NR2F2: variants seen among roughly 807,000 people sequenced by gnomAD.
The protein encoded by NR2F2 is nuclear receptor subfamily 2 group F member 2.
NR2F2 carries 2 observed loss-of-function variants against 34.8 expected under a neutral mutation model. The ratio of observed to expected loss-of-function variants is 0.06; its 90% confidence interval spans 0.02 to 0.18. NR2F2 has a LOEUF of 0.18. NR2F2 is among the 10% of genes least tolerant of loss of function. NR2F2 has a pLI of 1.00. For missense variants in NR2F2, 300 were observed against 580.1 expected (o/e 0.52, Z 4.96); for synonymous variants, 274 against 251.8 (o/e 1.09, Z -0.84).
chr15:96,332,209 G>T lies in NR2F2; in HGVS notation c.104G>T (p.Gly35Val). Residue 35 changes from glycine to valine, a missense_variant, in exon 1 of 3, where the codon GGC becomes GTC. By Grantham distance (109) the Gly-to-Val change is moderately radical. Transcript: ENST00000394166. ...QAPPVPGPPP[G>V]APHTPQTPGQ... ...CCGCCCGTGCCCGGCCCGCCGCCCG[G>T]CGCCCCGCACACGCCACAGACGCCC... 7.3e-7 allele frequency: 1 copy of T among 1,363,894 alleles called. No homozygotes were observed. The highest frequency in any genetic ancestry group is 1.8e-5 in the South Asian group (1 of 54,382). 84.5% of individuals were successfully genotyped at this position (1,363,894 alleles called of 1,614,324 possible).
rs1382425992 is a variant in NR2F2 at position 96,334,350 on chromosome 15, G to A, written c.717G>A (p.Thr239=). The A allele has an allele frequency of 1.9e-6, 3 of 1,614,160 alleles. No individual in the cohort carries two copies. Among genetic ancestry groups the A allele is most frequent in the Non-Finnish European group, 2.5e-6 (3 of 1,180,028 alleles). ...CCTTCTTCCCCGACCTGCAGATCAC[G>A]GACCAGGTGGCCCTGCTTCGCCTCA... is the stretch of plus-strand genomic sequence containing the variant. The part of the protein sequence containing the change: ...NIPFFPDLQI[T]DQVALLRLTW... The change falls in exon 2 of 3, where the codon ACG becomes ACA. Residue 239 remains threonine (T), a synonymous_variant. Coordinates refer to ENST00000394166, the MANE Select transcript of NR2F2 (RefSeq NM_021005.4).
Position 96,334,544 on chromosome 15 carries a change from C to A in NR2F2, c.911C>A (p.Ala304Glu). ...IFQEQVEKLK[A>E]LHVDSAEYSC... The stretch of plus-strand genomic sequence containing the variant: ...CAAGAGCAAGTGGAGAAGCTCAAGG[C>A]GCTGCACGTTGACTCAGCCGAGTAC... Residue 304 changes from alanine to glutamate, a missense_variant, in exon 2 of 3, where the codon GCG (alanine) becomes GAG (glutamate). Ala to Glu is a moderately radical substitution (Grantham distance 107). This residue lies in a region of NR2F2 where 164 missense variants were observed against 365.3 expected (regional missense o/e 0.45). Coordinates refer to ENST00000394166, the MANE Select transcript of NR2F2 (RefSeq NM_021005.4). The A allele has an allele frequency of 6.2e-7, 1 of 1,613,268 alleles. No individual in the cohort carries two copies. The highest frequency in any genetic ancestry group is 8.5e-7 in the Non-Finnish European group (1 of 1,179,860).
chr15:96,331,433 C>A lies in NR2F2; in HGVS notation c.-673C>A. 8.1e-7 allele frequency: 1 copy of A among 1,231,340 alleles called. No homozygotes were observed. The highest frequency in any genetic ancestry group is 1.0e-6 in the Non-Finnish European group (1 of 988,074). The allele number at this position is 1,231,340 out of a possible 1,614,324, so 76.3% of individuals were successfully genotyped here. ...CGGCCTGCCTGGCTCCCTGGGCGCG[C>A]CCGCACCCGGCGCCTCCGATCTCCT... is the stretch of plus-strand genomic sequence containing the variant. On this transcript the variant is annotated 5_prime_UTR_variant, in exon 1 of 3. Coordinates refer to ENST00000394166, the MANE Select transcript of NR2F2 (RefSeq NM_021005.4).
intron 1 of NR2F2, chr15:96,333,795 G>T: frequency 7.2e-7 from 1 of 1,386,086 alleles, no homozygotes; most frequent in South Asian, 1.9e-5. Context: ...CAGCGCCGGG[G>T]ACCCCGAGGC....
chr15:96,335,515 C>G (rs1201040946), intron 2 of NR2F2, among the ~76,000 whole-genome samples: 1 of 152,106 alleles, frequency 6.6e-6, no homozygotes, highest in Non-Finnish European at 1.5e-5. Context: ...TCAGCATAGC[C>G]CAGGTGGATG....
In NR2F2 at chr15:96,338,031, C is replaced by G. The variant is rs1899387752; in HGVS notation, c.*409C>G. On this transcript the variant is annotated 3_prime_UTR_variant, in exon 3 of 3. Transcript: ENST00000394166. ...TTAATTGTCCTGTGTCTATGTACCTCTAGCTGTTCTTTTTTGTACTTTTCT... is the reference window on the plus strand; with the variant it reads ...TTAATTGTCCTGTGTCTATGTACCTGTAGCTGTTCTTTTTTGTACTTTTCT... 1 of 143,964 alleles carries G rather than the reference C, an allele frequency of 6.9e-6. No individual in the cohort carries two copies. Among genetic ancestry groups the G allele is most frequent in the African/African-American group, 2.4e-5 (1 of 41,056 alleles). 8.9% of individuals were successfully genotyped at this position (143,964 alleles called of 1,614,324 possible).
Position 96,332,221 on chromosome 15 carries a change from C to G in NR2F2, c.116C>G (p.Thr39Arg). Residue 39 changes from threonine (T) to arginine (R), a missense_variant, in exon 1 of 3, where the codon ACG becomes AGG. Coordinates refer to ENST00000394166, the MANE Select transcript of NR2F2 (RefSeq NM_021005.4). Reference sequence around the variant, plus strand: ...GGCCCGCCGCCCGGCGCCCCGCACACGCCACAGACGCCCGGCCAAGGGGGC... The same window carrying G: ...GGCCCGCCGCCCGGCGCCCCGCACAGGCCACAGACGCCCGGCCAAGGGGGC... ...VPGPPPGAPH[T>R]PQTPGQGGPA... 2 of 1,519,076 alleles carry G rather than the reference C, an allele frequency of 1.3e-6. No homozygotes were observed. Among genetic ancestry groups the G allele is most frequent in the Non-Finnish European group, 1.8e-6 (2 of 1,133,986 alleles). The allele number at this position is 1,519,076 out of a possible 1,614,324, so 94.1% of individuals were successfully genotyped here. A position where few individuals can be genotyped will look rare whatever the true frequency, so the allele number is the denominator to read the frequency against.
chr15:96,333,731 C>T lies in NR2F2; in HGVS notation c.443-345C>T, dbSNP rs747943107. 9.8e-4 allele frequency: 1,247 copies of T among 1,266,938 alleles called. 2 individuals carry two copies. Among genetic ancestry groups the T allele is most frequent in the Non-Finnish European group, 1.2e-3 (1,165 of 1,005,222 alleles). 78.5% of individuals were successfully genotyped at this position (1,266,938 alleles called of 1,614,324 possible). On this transcript the variant is annotated intron_variant, in intron 1 of 2. Transcript: ENST00000394166. The stretch of plus-strand genomic sequence containing the variant: ...CTCTCCTCCAATCAATAAGAAATAT[C>T]AGCTGTTTAGCAGTAAAGAAGAAAG...
rs753499302 is a variant in NR2F2 at position 96,339,463 on chromosome 15, C to CT, written c.*1844dup. 1 of 152,214 alleles carries CT rather than the reference C, an allele frequency of 6.6e-6. No homozygotes were observed. Among genetic ancestry groups the CT allele is most frequent in the African/African-American group, 2.4e-5 (1 of 41,452 alleles). The allele number at this position is 152,214 out of a possible 1,614,324, so 9.4% of individuals were successfully genotyped here. A position where few individuals can be genotyped will look rare whatever the true frequency, so the allele number is the denominator to read the frequency against. Reference sequence around the variant, plus strand: ...GTTGGTTTCCCTCTCCCCTCCCCCCCTTTACCTTCAGTCTGTGAGAGCATG... The same window carrying CT: ...GTTGGTTTCCCTCTCCCCTCCCCCCCTTTTACCTTCAGTCTGTGAGAGCATG... On this transcript the variant is annotated 3_prime_UTR_variant, in exon 3 of 3. Transcript: ENST00000394166.
At chr15:96,329,926 A>G (rs117539394), upstream of NR2F2, among the ~76,000 whole-genome samples, 53 of 152,326 alleles carry the variant, frequency 3.5e-4, no homozygotes, top group East Asian at 4.2e-3. Flanking sequence ...GTGAAATGTT[A>G]ACCCTACAAG....
intron 1 of NR2F2, chr15:96,333,308 T>G: frequency 1.0e-6 from 1 of 995,436 alleles, no homozygotes; most frequent in Non-Finnish European, 1.2e-6. Flanking sequence ...AACGCCGGGG[T>G]TTCTTTGTGT....
rs372185889 is a variant in NR2F2, at chr15:96,339,040, T to A, written c.*1418T>A. ...TGGTTTAGGAAGTGCCATACTGATATAGTAAACCACCCCCATTCACCTAAT... is the reference window on the plus strand; with the variant it reads ...TGGTTTAGGAAGTGCCATACTGATAAAGTAAACCACCCCCATTCACCTAAT... On this transcript the variant is annotated 3_prime_UTR_variant, in exon 3 of 3. Transcript: ENST00000394166. 1 of 151,560 alleles carries A rather than the reference T, an allele frequency of 6.6e-6. No individual in the cohort carries two copies. The allele number at this position is 151,560 out of a possible 1,614,324, so 9.4% of individuals were successfully genotyped here. A position where few individuals can be genotyped will look rare whatever the true frequency, so the allele number is the denominator to read the frequency against.
At position 96,331,798 on chromosome 15, in the gene NR2F2, CT is replaced by C; in HGVS notation, c.-306del. On this transcript the variant is annotated 5_prime_UTR_variant, in exon 1 of 3. Coordinates refer to ENST00000394166, the MANE Select transcript of NR2F2 (RefSeq NM_021005.4). ...CTGCTCCCACTCGCTCTCCTGTCCC[CT>C]TCCCCTCCCCTCCCGGCGGAAAGCC... 8.3e-7 allele frequency: 1 copy of C among 1,204,452 alleles called. No homozygotes were observed. The highest frequency in any genetic ancestry group is 1.0e-6 in the Non-Finnish European group (1 of 970,268). The allele number at this position is 1,204,452 out of a possible 1,614,324, so 74.6% of individuals were successfully genotyped here. A position where few individuals can be genotyped will look rare whatever the true frequency, so the allele number is the denominator to read the frequency against.
At chr15:96,333,201 T>G in intron 1 of NR2F2, 4 of 288,386 alleles carry the variant, frequency 1.4e-5, no homozygotes, top group Non-Finnish European at 2.3e-5. Flanking sequence ...TCTGCGCGAG[T>G]TGGGTCTTTG....
At chr15:96,336,154 GA>G (rs145589076) in intron 2 of NR2F2, among the ~76,000 whole-genome samples, 104 of 150,618 alleles carry the variant, frequency 6.9e-4, no homozygotes, top group Non-Finnish European at 1.1e-3. Context: ...GTCTTTCAAG[GA>G]AAAAAAAATG....
At position 96,332,426 on chromosome 15, in the gene NR2F2, G is replaced by A. The variant is rs775993510; in HGVS notation, c.321G>A (p.Val107=). 1.2e-6 allele frequency: 2 copies of A among 1,614,248 alleles called. No individual in the cohort carries two copies. The highest frequency in any genetic ancestry group is 1.7e-6 in the Non-Finnish European group (2 of 1,180,042). Residue 107 remains valine (V), a synonymous_variant, in exon 1 of 3, where the codon GTG becomes GTA. Coordinates refer to ENST00000394166, the MANE Select transcript of NR2F2 (RefSeq NM_021005.4). ...GCAAGAGCTTCTTCAAGCGCAGCGTGCGGAGGAACCTGAGCTACACGTGCC... is the reference window on the plus strand; with the variant it reads ...GCAAGAGCTTCTTCAAGCGCAGCGTACGGAGGAACCTGAGCTACACGTGCC... ...EGCKSFFKRS[V]RRNLSYTCRA... is the part of the protein sequence containing the mutation.
chr15:96,334,015 C>A (rs1899241461), intron 1 of NR2F2, 61 bp from the exon 2 acceptor site: 5 of 1,563,900 alleles, frequency 3.2e-6, no homozygotes, highest in Non-Finnish European at 4.3e-6. Flanking sequence ...CAGACCCCGC[C>A]GGGGAACCTG....
Position 96,331,045 on chromosome 15 carries a change from C to T in NR2F2, c.-1061C>T, listed in dbSNP as rs2141165126. The T allele has an allele frequency of 1.6e-6, 2 of 1,238,766 alleles. No individual in the cohort carries two copies. Among genetic ancestry groups the T allele is most frequent in the Non-Finnish European group, 1.0e-6 (1 of 994,830 alleles). 76.7% of individuals were successfully genotyped at this position (1,238,766 alleles called of 1,614,324 possible). On this transcript the variant is annotated 5_prime_UTR_variant, in exon 1 of 3. Transcript: ENST00000394166. ...TGACTCTTTCCCTATGTGTGTGAGGCGGCGGCGGCAGCAGCAGCAGCAGCG... is the reference window on the plus strand; with the variant it reads ...TGACTCTTTCCCTATGTGTGTGAGGTGGCGGCGGCAGCAGCAGCAGCAGCG...
In NR2F2 at chr15:96,339,868, G is replaced by GGA. The variant is rs1463771161; in HGVS notation, c.*2246_*2247insGA. 166 of 150,868 alleles carry GGA rather than the reference G, an allele frequency of 1.1e-3. No individual in the cohort carries two copies. The highest frequency in any genetic ancestry group is 4.0e-3 in the African/African-American group (162 of 40,438). 9.3% of individuals were successfully genotyped at this position (150,868 alleles called of 1,614,324 possible). On this transcript the variant is annotated 3_prime_UTR_variant, in exon 3 of 3. Coordinates refer to ENST00000394166, the MANE Select transcript of NR2F2 (RefSeq NM_021005.4). ...TTAATTCTAATTGGTGGGGGGGGGG[G>GGA]AGGACTAGTGAGGGAGGTGAAAGAA...
Sources: gnomAD v4.1 joint callset for allele counts (sites outside exome capture counted in the v4.1 genomes callset) on GRCh38, gnomAD v4.1.1 for gene constraint, gnomAD v4.1.1 regional missense constraint, MANE v1.5 for transcripts, NCBI Gene and HGNC (gene_info 2026-07-23, HGNC 2026-07-21) for gene names.